The following ACTR3C variants were observed in gnomAD, a reference collection of about 807,000 sequenced individuals.
The protein encoded by ACTR3C is actin related protein 3C.
In ACTR3C, 18 loss-of-function variants were observed where a neutral mutation model predicts 26.3. That is an observed-to-expected ratio of 0.68 (90% CI 0.47 to 1.01). ACTR3C has a LOEUF of 1.01. Among genes scored for constraint, ACTR3C ranks in the 50% least tolerant of loss-of-function variants. The probability of loss-of-function intolerance (pLI) is 0.00; values close to 1 mark genes in which losing one functional copy is unlikely to be tolerated. For synonymous variants in ACTR3C, 55 were observed against 94.5 expected (o/e 0.58, Z 2.42); for missense variants, 184 against 250.7 (o/e 0.73, Z 1.80).
intron 1 of ACTR3C, among the ~76,000 whole-genome samples, chr7:150,307,673 A>G (rs1328741410): frequency 1.3e-5 from 2 of 152,188 alleles, no homozygotes; most frequent in Non-Finnish European, 2.9e-5. Flanking sequence ...AAAGCCTGTT[A>G]GGTGGTCTCT....
the ACTR3C span, among the ~76,000 whole-genome samples, chr7:150,234,523 C>T: frequency 9.2e-5 from 14 of 152,112 alleles, no homozygotes; most frequent in African/African-American, 3.4e-4. Context: ...TGTGGGATTC[C>T]AAGAGTGTGA....
chr7:149,950,572 C>A, the ACTR3C span, among the ~76,000 whole-genome samples: 4 of 151,734 alleles, frequency 2.6e-5, no homozygotes, highest in East Asian at 1.9e-4. Flanking sequence ...CTGAACCACA[C>A]GTCCTCCTGA....
chr7:150,153,409 G>T, the ACTR3C span, among the ~76,000 whole-genome samples: 1 of 138,064 alleles, frequency 7.2e-6, no homozygotes, highest in African/African-American at 2.9e-5. Flanking sequence ...AAAAGTGGGC[G>T]AAGGACAGGA....
intron 4 of ACTR3C, among the ~76,000 whole-genome samples, 189 bp downstream of exon 4, chr7:150,289,261 G>A (rs71537946): frequency 6.6e-6 from 1 of 151,942 alleles, no homozygotes; most frequent in Non-Finnish European, 1.5e-5. Flanking sequence ...TGGAACCTCA[G>A]AGCATCTAGT....
chr7:150,242,165 G>A (rs186129399), downstream of ACTR3C, among the ~76,000 whole-genome samples: 3 of 151,356 alleles, frequency 2.0e-5, no homozygotes, highest in Admixed American at 6.6e-5. Flanking sequence ...GCAGTGAGAC[G>A]AGATCGCACC....
At chr7:149,959,150 C>A in the ACTR3C span, among the ~76,000 whole-genome samples, 405 of 152,262 alleles carry the variant, frequency 2.7e-3, 2 homozygotes, top group African/African-American at 9.4e-3. Flanking sequence ...ATTCCCTGAG[C>A]ACTTTCTTCA....
chr7:149,962,103 A>C, the ACTR3C span, among the ~76,000 whole-genome samples: 2 of 151,988 alleles, frequency 1.3e-5, no homozygotes, highest in East Asian at 3.9e-4. Context: ...AGGACATGTA[A>C]GCTCACAGGA....
At chr7:150,037,210 A>C in the ACTR3C span, among the ~76,000 whole-genome samples, 19 of 46,856 alleles carry the variant, frequency 4.1e-4, no homozygotes, top group Middle Eastern at 9.8e-3. Flanking sequence ...GATAGCTCTC[A>C]GTAATCCCAC....
At chr7:150,075,634 T>C in the ACTR3C span, among the ~76,000 whole-genome samples, 1 of 152,168 alleles carries the variant, frequency 6.6e-6, no homozygotes, top group Non-Finnish European at 1.5e-5. Context: ...ATCAGGCCTT[T>C]TGGACACTGG....
the ACTR3C span, among the ~76,000 whole-genome samples, chr7:150,136,689 A>AATAC: frequency 6.6e-6 from 1 of 151,952 alleles, no homozygotes; most frequent in African/African-American, 2.4e-5. Context: ...TAAATAAATA[A>AATAC]ATAAATAAAT....
At chr7:150,292,898 GCAC>G (rs1240025929) in intron 3 of ACTR3C, among the ~76,000 whole-genome samples, 3 of 152,194 alleles carry the variant, frequency 2.0e-5, no homozygotes, top group Admixed American at 6.5e-5. Flanking sequence ...AAATGGCCAC[GCAC>G]TGCACCTACA....
the ACTR3C span, among the ~76,000 whole-genome samples, chr7:150,223,822 G>T: frequency 6.6e-6 from 1 of 152,216 alleles, no homozygotes; most frequent in Non-Finnish European, 1.5e-5. Flanking sequence ...TCTGTCCTCT[G>T]CTTCAGGGTA....
chr7:150,192,581 C>G, the ACTR3C span, among the ~76,000 whole-genome samples: 1 of 152,184 alleles, frequency 6.6e-6, no homozygotes, highest in African/African-American at 2.4e-5. Context: ...GGATTATAGG[C>G]ATGAGCCATC....
At chr7:150,185,832 T>C in the ACTR3C span, among the ~76,000 whole-genome samples, 1 of 152,144 alleles carries the variant, frequency 6.6e-6, no homozygotes, top group East Asian at 1.9e-4. Flanking sequence ...CACAACCAGC[T>C]GTTCCTTACG....
intron 6 of ACTR3C, among the ~76,000 whole-genome samples, chr7:150,269,227 C>A (rs867232732): frequency 0.015 from 1,434 of 98,582 alleles, 58 homozygotes; most frequent in African/African-American, 0.07. Flanking sequence ...ATGGAACTGC[C>A]GGAGCAGAGC....
the ACTR3C span, among the ~76,000 whole-genome samples, chr7:150,133,189 G>A: frequency 6.6e-6 from 1 of 152,162 alleles, no homozygotes; most frequent in Admixed American, 6.5e-5. Flanking sequence ...GAGAGACACT[G>A]ATGTTAGGTT....
chr7:150,149,095 A>G, the ACTR3C span, among the ~76,000 whole-genome samples: 15,703 of 75,998 alleles, frequency 0.21, 1,802 homozygotes, highest in Middle Eastern at 0.27. Flanking sequence ...ATATATATAT[A>G]TATATATATA....
the ACTR3C span, among the ~76,000 whole-genome samples, chr7:150,156,880 G>A: frequency 6.6e-6 from 1 of 151,792 alleles, no homozygotes; most frequent in Non-Finnish European, 1.5e-5. Flanking sequence ...TTCCTGTCTA[G>A]TATTTTATAT....
chr7:150,127,929 G>A, the ACTR3C span, among the ~76,000 whole-genome samples: 2 of 151,428 alleles, frequency 1.3e-5, no homozygotes, highest in South Asian at 4.2e-4. Flanking sequence ...ATGTCTTCAC[G>A]TGGTCTATTT....
Sources: allele counts gnomAD v4.1 joint callset (sites outside exome capture counted in the v4.1 genomes callset), GRCh38; gene constraint gnomAD v4.1.1; transcripts MANE v1.5; gene names NCBI Gene and HGNC (gene_info 2026-07-23, HGNC 2026-07-21).